Variants in MAGI3 observed in about 807,000 individuals in gnomAD.
MAGI3 encodes the protein membrane-associated guanylate kinase, WW and PDZ domain-containing protein 3.
In MAGI3, 43 loss-of-function variants were observed where a neutral mutation model predicts 121.8. That is an observed-to-expected ratio of 0.35 (90% CI 0.28 to 0.46). The LOEUF (loss-of-function observed/expected upper bound fraction) is 0.46, where lower values mean the gene tolerates loss of function less well. Among genes scored for constraint, MAGI3 ranks in the 20% least tolerant of loss-of-function variants. The pLI is 1.00. For missense variants in MAGI3, 1,547 were observed against 1,797.3 expected (o/e 0.86, Z 2.52); for synonymous variants, 553 against 639.3 (o/e 0.86, Z 2.04).
In MAGI3 at chr1:113,391,486, A is replaced by G. The variant is rs557976155; in HGVS notation, c.316+137A>G. 1.0e-6 allele frequency: 1 copy of G among 997,704 alleles called. No homozygotes were observed. Among genetic ancestry groups the G allele is most frequent in the African/African-American group, 1.7e-5 (1 of 58,406 alleles). The allele number at this position is 997,704 out of a possible 1,614,324, so 61.8% of individuals were successfully genotyped here. On this transcript the variant is annotated intron_variant, in intron 1 of 20. Coordinates refer to ENST00000307546, the MANE Select transcript of MAGI3 (RefSeq NM_001142782.2). This position sits in a 1 kb window ranked among gnomAD's most constrained non-coding sequence, Gnocchi z 4.4. ...CCTCTAGGGTGTGCCAGACTCCTTGACGAGGGGGAGGGGTGGCGTTGGTGA... is the reference window on the plus strand; with the variant it reads ...CCTCTAGGGTGTGCCAGACTCCTTGGCGAGGGGGAGGGGTGGCGTTGGTGA...
At chr1:113,456,013 T>G (rs2101500885) in intron 1 of MAGI3, among the ~76,000 whole-genome samples, 1 of 151,954 alleles carries the variant, frequency 6.6e-6, no homozygotes, top group South Asian at 2.1e-4. Context: ...TGCAGTGGCA[T>G]GATCTCGGCT....
chr1:113,641,063 GATAT>G, intron 9 of MAGI3, among the ~76,000 whole-genome samples: 1 of 41,108 alleles, frequency 2.4e-5, no homozygotes, highest in African/African-American at 9.7e-5. Context: ...TATTATATAT[GATAT>G]ATATAATATA....
intron 1 of MAGI3, among the ~76,000 whole-genome samples, chr1:113,423,764 G>A (rs1167727148): frequency 2.0e-5 from 3 of 152,196 alleles, no homozygotes; most frequent in Non-Finnish European, 4.4e-5. Context: ...TTGCTTGAAG[G>A]TGAGGTTTCA....
intron 1 of MAGI3, among the ~76,000 whole-genome samples, chr1:113,512,547 G>T (rs1657670465): frequency 6.6e-6 from 1 of 152,142 alleles, no homozygotes; most frequent in African/African-American, 2.4e-5. Context: ...GATTTTTAAA[G>T]CCTGTTCTTT....
In MAGI3 at chr1:113,642,403, T is replaced by A. The variant is rs1206826248; in HGVS notation, c.1853T>A (p.Ile618Lys). Residue 618 changes from isoleucine (I) to lysine (K), a missense_variant, in exon 10 of 21, where the codon ATA (isoleucine) becomes AAA (lysine). By Grantham distance (102) the Ile-to-Lys change is moderately radical. Coordinates refer to ENST00000307546, the MANE Select transcript of MAGI3 (RefSeq NM_001142782.2). ...QWCQGLQKGD[I>K]IKEIYHQNVQ... Reference sequence around the variant, plus strand: ...TGTCAAGGCCTTCAGAAAGGAGATATAATTAAGGAAATATACCATCAAAAT... The same window carrying A: ...TGTCAAGGCCTTCAGAAAGGAGATAAAATTAAGGAAATATACCATCAAAAT... 1 of 1,614,012 alleles carries A rather than the reference T, an allele frequency of 6.2e-7. No homozygotes were observed. Among genetic ancestry groups the A allele is most frequent in the Non-Finnish European group, 8.5e-7 (1 of 1,180,038 alleles).
intron 9 of MAGI3, among the ~76,000 whole-genome samples, chr1:113,629,759 T>TCTCTCTCCCTCTCC (rs1651492140): frequency 2.5e-5 from 2 of 80,506 alleles, no homozygotes; most frequent in Non-Finnish European, 5.3e-5. Context: ...TCTCTCTCTC[T>TCTCTCTCCCTCTCC]CTCCCTCCCT....
intron 2 of MAGI3, among the ~76,000 whole-genome samples, chr1:113,557,746 C>T (rs989477907): frequency 3.9e-5 from 6 of 152,224 alleles, no homozygotes; most frequent in Non-Finnish European, 8.8e-5. Context: ...TGATGCCATT[C>T]GTCCTGACTG....
At chr1:113,652,531 A>G (rs1445454588) in intron 14 of MAGI3, among the ~76,000 whole-genome samples, 1 of 152,208 alleles carries the variant, frequency 6.6e-6, no homozygotes, top group Non-Finnish European at 1.5e-5. Context: ...GGCCAAATGT[A>G]ACTACTTACA....
intron 1 of MAGI3, among the ~76,000 whole-genome samples, chr1:113,541,341 C>T (rs908927761): frequency 6.6e-6 from 1 of 152,162 alleles, no homozygotes; most frequent in African/African-American, 2.4e-5. Flanking sequence ...TAGCAGGAGC[C>T]TTTCTTGTGA....
chr1:113,623,453 T>TACACACACACACAC (rs796174057), intron 9 of MAGI3, among the ~76,000 whole-genome samples: 13,921 of 125,750 alleles, frequency 0.11, 905 homozygotes, highest in Non-Finnish European at 0.13. Flanking sequence ...TACACACACA[T>TACACACACACACAC]ACACACACAC....
intron 2 of MAGI3, among the ~76,000 whole-genome samples, chr1:113,569,293 T>C (rs1660559981): frequency 6.6e-6 from 1 of 152,204 alleles, no homozygotes; most frequent in South Asian, 2.1e-4. Context: ...TTTAAAAATC[T>C]TTATTGCACT....
At chr1:113,559,239 A>G (rs1355868548) in intron 2 of MAGI3, among the ~76,000 whole-genome samples, 1 of 152,256 alleles carries the variant, frequency 6.6e-6, no homozygotes, top group Non-Finnish European at 1.5e-5. Flanking sequence ...AAATGCCCCA[A>G]TTAAAAGACA....
intron 6 of MAGI3, among the ~76,000 whole-genome samples, chr1:113,596,858 T>C (rs1321359926): frequency 6.6e-6 from 1 of 151,974 alleles, no homozygotes; most frequent in East Asian, 1.9e-4. Flanking sequence ...CAGTAACCCT[T>C]GTACATTGCT....
At chr1:113,662,682 A>G (rs961703394) in intron 16 of MAGI3, among the ~76,000 whole-genome samples, 2 of 152,086 alleles carry the variant, frequency 1.3e-5, no homozygotes, top group Non-Finnish European at 2.9e-5. Context: ...AGTATGTTTT[A>G]TGTACTGCAT....
intron 2 of MAGI3, among the ~76,000 whole-genome samples, chr1:113,550,516 G>A (rs1419595154): frequency 1.3e-5 from 2 of 151,868 alleles, no homozygotes; most frequent in Admixed American, 6.6e-5. Flanking sequence ...AGCACTTTGG[G>A]AGGCTGAGGT....
At chr1:113,536,159 T>A (rs35247383) in intron 1 of MAGI3, among the ~76,000 whole-genome samples, 35,965 of 147,558 alleles carry the variant, frequency 0.24, 5,113 homozygotes, top group South Asian at 0.38. Flanking sequence ...TTTTTTTTTT[T>A]AAAAAAATTT....
chr1:113,512,986 A>G (rs1657695176), intron 1 of MAGI3, among the ~76,000 whole-genome samples: 1 of 152,170 alleles, frequency 6.6e-6, no homozygotes, highest in African/African-American at 2.4e-5. Context: ...CCAATAACAG[A>G]GAAACAGAGA....
chr1:113,642,643 T>C, intron 10 of MAGI3, 127 bp downstream of exon 10: 1 of 1,053,254 alleles, frequency 9.5e-7, no homozygotes, highest in Non-Finnish European at 1.4e-6. Context: ...GCATTTTCCT[T>C]AAGGTTCTGT....
At chr1:113,646,436 C>T in intron 11 of MAGI3, 50 bp from the exon 12 acceptor site, 1 of 1,456,110 alleles carries the variant, frequency 6.9e-7, no homozygotes, top group South Asian at 1.4e-5. Flanking sequence ...ATGAATTAAT[C>T]AACCATCTGC....
Sources: allele counts gnomAD v4.1 joint callset (sites outside exome capture counted in the v4.1 genomes callset), GRCh38; gene constraint gnomAD v4.1.1; non-coding constraint Gnocchi (gnomAD v3.1); transcripts MANE v1.5; gene names NCBI Gene and HGNC (gene_info 2026-07-23, HGNC 2026-07-21).